SORCS2: variants seen among roughly 807,000 people sequenced by gnomAD.
SORCS2 encodes the protein sortilin related VPS10 domain containing receptor 2.
In SORCS2, 100 loss-of-function variants were observed where a neutral mutation model predicts 141.6. The ratio of observed to expected loss-of-function variants is 0.71; its 90% confidence interval spans 0.60 to 0.83. The LOEUF (loss-of-function observed/expected upper bound fraction) is 0.83. Ranked by LOEUF, SORCS2 falls within the 40% of genes least tolerant of loss-of-function variation. The pLI, the probability that SORCS2 is intolerant of heterozygous loss-of-function variation, is 0.00. For synonymous variants in SORCS2, 789 were observed against 676.9 expected, an observed-to-expected ratio of 1.17 and a Z score of -2.57; for missense variants, 1,646 against 1,560.2, an observed-to-expected ratio of 1.05 and a Z score of -0.93.
chr4:7,253,405 C>G (rs779676070), intron 1 of SORCS2, among the ~76,000 whole-genome samples: 1 of 152,012 alleles, frequency 6.6e-6, no homozygotes, highest in Admixed American at 6.5e-5. Flanking sequence ...AGCAGTGACA[C>G]GGGCCGTCCC....
intron 1 of SORCS2, among the ~76,000 whole-genome samples, chr4:7,387,524 TATGCACAC>T (rs1399639129): frequency 7.4e-6 from 1 of 135,696 alleles, no homozygotes; most frequent in Non-Finnish European, 1.6e-5. Context: ...CAGAGATACA[TATGCACAC>T]ATGCACACAC....
At chr4:7,379,803 A>G (rs1241191949) in intron 1 of SORCS2, among the ~76,000 whole-genome samples, 2 of 152,246 alleles carry the variant, frequency 1.3e-5, no homozygotes, top group African/African-American at 4.8e-5. Context: ...GTATTCCTTC[A>G]GGCTGTGGCA....
At chr4:7,542,773 G>A (rs1203730015) in intron 3 of SORCS2, among the ~76,000 whole-genome samples, 23 of 152,210 alleles carry the variant, frequency 1.5e-4, no homozygotes, top group Non-Finnish European at 4.4e-5. Flanking sequence ...GCCCAGTTTT[G>A]CAGATGGGGA....
At chr4:7,708,842 T>G (rs1027807198) in intron 14 of SORCS2, among the ~76,000 whole-genome samples, 1 of 152,202 alleles carries the variant, frequency 6.6e-6, no homozygotes, top group Non-Finnish European at 1.5e-5. Context: ...ATGGGGACCC[T>G]GGGAGCCTGT....
chr4:7,341,998 G>A (rs996574050), intron 1 of SORCS2, among the ~76,000 whole-genome samples: 10 of 152,204 alleles, frequency 6.6e-5, no homozygotes, highest in African/African-American at 2.4e-4. Context: ...ATATTTTCAA[G>A]GTCCAGTCAC....
At chr4:7,317,586 T>G (rs2878617) in intron 1 of SORCS2, among the ~76,000 whole-genome samples, 4 of 152,024 alleles carry the variant, frequency 2.6e-5, no homozygotes, top group African/African-American at 9.7e-5. Flanking sequence ...CTCTTCCCCA[T>G]GGGCCTGCGG....
chr4:7,542,389 G>T (rs1458091070), intron 3 of SORCS2, among the ~76,000 whole-genome samples: 1 of 152,088 alleles, frequency 6.6e-6, no homozygotes, highest in South Asian at 2.1e-4. Context: ...CAACATGACT[G>T]GTATTTTTAT....
intron 1 of SORCS2, among the ~76,000 whole-genome samples, chr4:7,321,361 T>C (rs1718883564): frequency 6.6e-6 from 1 of 152,116 alleles, no homozygotes; most frequent in Non-Finnish European, 1.5e-5. Flanking sequence ...GCACTTAGGG[T>C]GGTTAGAAAA....
chr4:7,221,107 C>T (rs182780063), intron 1 of SORCS2, among the ~76,000 whole-genome samples: 1 of 152,190 alleles, frequency 6.6e-6, no homozygotes, highest in Admixed American at 6.5e-5. Context: ...TGACTTTGCC[C>T]TTCATACTCA....
chr4:7,422,205 CCTT>C (rs1726124704), intron 2 of SORCS2, among the ~76,000 whole-genome samples: 2 of 152,220 alleles, frequency 1.3e-5, no homozygotes, highest in South Asian at 4.1e-4. Flanking sequence ...CATTCTCTGA[CCTT>C]CTCCTGTCAC....
chr4:7,488,991 A>G (rs559855475), intron 2 of SORCS2, among the ~76,000 whole-genome samples: 2 of 152,210 alleles, frequency 1.3e-5, no homozygotes, highest in Admixed American at 6.5e-5. Flanking sequence ...TCATTCATTC[A>G]TTCAACGTTT....
At chr4:7,488,182 G>T (rs375407036) in intron 2 of SORCS2, among the ~76,000 whole-genome samples, 1 of 152,236 alleles carries the variant, frequency 6.6e-6, no homozygotes, top group East Asian at 1.9e-4. Context: ...CAAGGGCCAG[G>T]CTCCCGTGGG....
At chr4:7,291,962 C>T (rs1716630201) in intron 1 of SORCS2, among the ~76,000 whole-genome samples, 2 of 152,196 alleles carry the variant, frequency 1.3e-5, no homozygotes, top group African/African-American at 4.8e-5. Context: ...GGGGCCAAGG[C>T]AGGGATGGTA....
intron 1 of SORCS2, among the ~76,000 whole-genome samples, chr4:7,365,422 G>A (rs1156809736): frequency 6.6e-6 from 1 of 152,146 alleles, no homozygotes; most frequent in Non-Finnish European, 1.5e-5. Context: ...GGGTTGGGGT[G>A]CAGGCTGAGA....
In SORCS2 at chr4:7,686,125, C is replaced by T. The variant is rs115378855; in HGVS notation, c.1488+3236C>T. Reference sequence around the variant, plus strand: ...ACAAATCTTTGCTCAGGCCACTTGACCAGCTTCCCGTCTGGGGATACCTCC... The same window carrying T: ...ACAAATCTTTGCTCAGGCCACTTGATCAGCTTCCCGTCTGGGGATACCTCC... On this transcript the variant is annotated intron_variant, in intron 10 of 26. Coordinates refer to ENST00000507866, the MANE Select transcript of SORCS2 (RefSeq NM_020777.3). Among the ~76,000 whole-genome samples, 513 of 152,350 alleles carry T rather than the reference C, an allele frequency of 3.4e-3. 2 individuals are homozygous for T. The highest frequency in any genetic ancestry group is 0.012 in the African/African-American group (494 of 41,580).
intron 18 of SORCS2, 144 bp downstream of exon 18, chr4:7,718,327 G>A (rs889716315): frequency 2.2e-6 from 2 of 905,298 alleles, no homozygotes; most frequent in African/African-American, 3.4e-5. Context: ...CAGACTGAAG[G>A]AGGCAGCAGG....
At chr4:7,380,416 C>T (rs1251769282) in intron 1 of SORCS2, among the ~76,000 whole-genome samples, 1 of 152,248 alleles carries the variant, frequency 6.6e-6, no homozygotes, top group Non-Finnish European at 1.5e-5. Context: ...CTCCCCGTCA[C>T]CGGACTCCTG....
At chr4:7,385,154 A>G (rs1462557169) in intron 1 of SORCS2, among the ~76,000 whole-genome samples, 1 of 152,134 alleles carries the variant, frequency 6.6e-6, no homozygotes, top group Non-Finnish European at 1.5e-5. Context: ...GGGCAGCGGC[A>G]TTGGCAGCAG....
chr4:7,371,652 G>A (rs1002710928), intron 1 of SORCS2, among the ~76,000 whole-genome samples: 1 of 152,168 alleles, frequency 6.6e-6, no homozygotes, highest in African/African-American at 2.4e-5. Flanking sequence ...GGTACACGTG[G>A]GTTCTGGAGC....
Sources: gnomAD v4.1 joint callset for allele counts (sites outside exome capture counted in the v4.1 genomes callset) on GRCh38, gnomAD v4.1.1 for gene constraint, MANE v1.5 for transcripts, NCBI Gene and HGNC (gene_info 2026-07-23, HGNC 2026-07-21) for gene names.